EXOC4: variants seen among roughly 807,000 people sequenced by gnomAD.
The protein encoded by EXOC4 is exocyst complex component 4, also known as SEC8-like 1.
EXOC4 carries 71 observed loss-of-function variants against 107.2 expected under a neutral mutation model. The ratio of observed to expected loss-of-function variants is 0.66; its 90% CI spans 0.55 to 0.81. The LOEUF (loss-of-function observed/expected upper bound fraction) is 0.81. Ranked by LOEUF, EXOC4 falls within the 30% of genes least tolerant of loss-of-function variation. The pLI is 0.00. For synonymous variants in EXOC4, 456 were observed against 441.2 expected (o/e 1.03, Z -0.42); for missense variants, 1,108 against 1,189.6 (o/e 0.93, Z 1.01).
At chr7:133,256,427 G>A (rs1037490267) in intron 1 of EXOC4, among the ~76,000 whole-genome samples, 3 of 152,196 alleles carry the variant, frequency 2.0e-5, no homozygotes, top group Non-Finnish European at 4.4e-5. Flanking sequence ...TGTTAGGCTC[G>A]TGTTTATAAG....
intron 10 of EXOC4, among the ~76,000 whole-genome samples, chr7:133,651,895 G>A (rs1391476988): frequency 6.6e-6 from 1 of 152,126 alleles, no homozygotes; most frequent in African/African-American, 2.4e-5. Context: ...ATGTTGGCCA[G>A]GCTGGTCTTG....
chr7:134,067,632 TATATATAC>T (rs1276403273), downstream of EXOC4, among the ~76,000 whole-genome samples: 436 of 98,534 alleles, frequency 4.4e-3, 3 homozygotes, highest in Admixed American at 6.8e-3. Flanking sequence ...CTCTTATATA[TATATATAC>T]ACACACACAC....
chr7:133,295,002 G>A (rs1200074403), intron 3 of EXOC4, among the ~76,000 whole-genome samples: 1 of 152,070 alleles, frequency 6.6e-6, no homozygotes, highest in African/African-American at 2.4e-5. Context: ...TGGATTAAGT[G>A]AGATATTAAA....
chr7:133,454,703 T>A (rs1798424107), intron 7 of EXOC4, among the ~76,000 whole-genome samples: 1 of 152,210 alleles, frequency 6.6e-6, no homozygotes, highest in South Asian at 2.1e-4. Flanking sequence ...AAGATGGCAA[T>A]ATGTGATTAC....
At chr7:133,657,360 C>T (rs1803323818) in intron 10 of EXOC4, among the ~76,000 whole-genome samples, 1 of 152,056 alleles carries the variant, frequency 6.6e-6, no homozygotes, top group Non-Finnish European at 1.5e-5. Flanking sequence ...GGATGTTAAA[C>T]ACCATCAACA....
chr7:133,878,489 A>G (rs1204213417), intron 11 of EXOC4, among the ~76,000 whole-genome samples: 1 of 152,220 alleles, frequency 6.6e-6, no homozygotes, highest in Non-Finnish European at 1.5e-5. Flanking sequence ...TAGTGAGAAT[A>G]TATCATAGAT....
intron 9 of EXOC4, among the ~76,000 whole-genome samples, chr7:133,613,129 A>G (rs1236187513): frequency 6.6e-6 from 1 of 152,202 alleles, no homozygotes; most frequent in Admixed American, 6.6e-5. Context: ...CAAACTATAT[A>G]TTGATATTAG....
intron 7 of EXOC4, among the ~76,000 whole-genome samples, chr7:133,456,856 A>G (rs1798474264): frequency 6.6e-6 from 1 of 152,234 alleles, no homozygotes; most frequent in Admixed American, 6.5e-5. Flanking sequence ...TTACAGGAAT[A>G]GGCCATAGAA....
chr7:133,581,425 T>G (rs973008751), intron 9 of EXOC4, among the ~76,000 whole-genome samples: 7 of 152,174 alleles, frequency 4.6e-5, no homozygotes, highest in African/African-American at 1.7e-4. Flanking sequence ...TACTTTTTCA[T>G]CCTCACCCTC....
intron 10 of EXOC4, among the ~76,000 whole-genome samples, chr7:133,637,887 G>A (rs946638011): frequency 3.9e-5 from 6 of 152,006 alleles, no homozygotes; most frequent in Non-Finnish European, 7.4e-5. Flanking sequence ...CTAACTGGGC[G>A]GTTTTATACT....
chr7:133,493,485 T>G (rs1257030658), intron 9 of EXOC4, among the ~76,000 whole-genome samples: 2 of 152,180 alleles, frequency 1.3e-5, no homozygotes, highest in African/African-American at 4.8e-5. Context: ...TAAGTACAGA[T>G]AAATGTTAAC....
At chr7:133,483,021 A>G (rs1799190948) in intron 9 of EXOC4, among the ~76,000 whole-genome samples, 1 of 152,178 alleles carries the variant, frequency 6.6e-6, no homozygotes, top group Non-Finnish European at 1.5e-5. Context: ...CCACATCTTT[A>G]ATGATGTTCT....
intron 9 of EXOC4, among the ~76,000 whole-genome samples, chr7:133,585,476 C>A (rs1314183024): frequency 6.6e-6 from 1 of 152,086 alleles, no homozygotes; most frequent in Non-Finnish European, 1.5e-5. Flanking sequence ...GAATCACTGT[C>A]ATTGGCCAGG....
At chr7:133,358,491 A>G (rs1796072053) in intron 6 of EXOC4, among the ~76,000 whole-genome samples, 1 of 152,166 alleles carries the variant, frequency 6.6e-6, no homozygotes, top group Non-Finnish European at 1.5e-5. Flanking sequence ...CACTTACATC[A>G]TGATCCAGAG....
chr7:133,360,549 T>C (rs1796114794), intron 6 of EXOC4, among the ~76,000 whole-genome samples: 1 of 152,218 alleles, frequency 6.6e-6, no homozygotes, highest in South Asian at 2.1e-4. Flanking sequence ...AAAAGGTTCA[T>C]TGACTTCTGT....
chr7:133,844,991 CTCGAGCCTG>C lies in EXOC4; in HGVS notation c.1734+27448_1734+27456del, dbSNP rs1798095144. Among the ~76,000 whole-genome samples the C allele has an allele frequency of 2.0e-5, 3 of 152,212 alleles. No individual in the cohort carries two copies. In the South Asian group the frequency reaches 6.2e-4, roughly 32 times the overall value. ...TTTATTTGAAAGGGCCTTTGATTAA[CTCGAGCCTG>C]AAAATCCAAAGTTGTATCTTAACAT... On this transcript the variant is annotated intron_variant, in intron 11 of 17. Transcript: ENST00000253861.
chr7:133,505,493 G>T (rs1400820752), intron 9 of EXOC4, among the ~76,000 whole-genome samples: 1 of 152,012 alleles, frequency 6.6e-6, no homozygotes, highest in Admixed American at 6.6e-5. Flanking sequence ...ATGACATCCT[G>T]TATTTAATGG....
chr7:134,031,554 C>G (rs1402049762), intron 17 of EXOC4, among the ~76,000 whole-genome samples: 5 of 152,162 alleles, frequency 3.3e-5, no homozygotes, highest in Non-Finnish European at 5.9e-5. Context: ...GACTAAGGAG[C>G]TTCCAGGTAG....
chr7:133,512,638 T>A (rs1799792950), intron 9 of EXOC4, among the ~76,000 whole-genome samples: 1 of 152,048 alleles, frequency 6.6e-6, no homozygotes. Context: ...GGTAGCGTAG[T>A]GAGGGAGAGC....
Sources: allele counts gnomAD v4.1 joint callset (sites outside exome capture counted in the v4.1 genomes callset), GRCh38; gene constraint gnomAD v4.1.1; transcripts MANE v1.5; gene names NCBI Gene and HGNC (gene_info 2026-07-23, HGNC 2026-07-21).